Variants in KYAT3 observed in about 807,000 individuals in gnomAD.
KYAT3 encodes kynurenine--oxoglutarate transaminase 3.
Under a neutral mutation model 59.0 loss-of-function variants are expected in KYAT3, and 50 were observed. The observed-to-expected ratio is 0.85, with a 90% confidence interval of 0.68 to 1.07. The LOEUF (loss-of-function observed/expected upper bound fraction) is 1.07. KYAT3 is among the 50% of genes least tolerant of loss of function. The pLI is 0.00. For missense variants in KYAT3, 497 were observed against 533.3 expected, an observed-to-expected ratio of 0.93 and a Z score of 0.67; for synonymous variants, 148 against 177.0, an observed-to-expected ratio of 0.84 and a Z score of 1.30.
chr1:88,941,790 C>T (rs1214283674), intron 13 of KYAT3, among the ~76,000 whole-genome samples: 3 of 152,172 alleles, frequency 2.0e-5, no homozygotes, highest in Admixed American at 6.5e-5. Context: ...GCAATCCTCC[C>T]GCCTTGGTCT....
intron 3 of KYAT3, 63 bp downstream of exon 3, chr1:88,969,346 T>C: frequency 1.0e-6 from 1 of 996,144 alleles, no homozygotes; most frequent in Admixed American, 1.9e-5. Flanking sequence ...AAAACTCCCA[T>C]CTAAAGATAC....
At position 88,942,992 on chromosome 1, in the gene KYAT3, G is replaced by C; in HGVS notation, c.1302+13C>G. ...ATACTATATATGTGTTTTCAATAGA[G>C]CAGGGAACTTACTTTAATGAAGCAA... On this transcript the variant is annotated intron_variant, in intron 13 of 13. Coordinates refer to ENST00000260508, the MANE Select transcript of KYAT3 (RefSeq NM_001008661.3). 1 of 1,563,970 alleles carries C rather than the reference G, an allele frequency of 6.4e-7. No individual in the cohort carries two copies. The highest frequency in any genetic ancestry group is 8.8e-7 in the Non-Finnish European group (1 of 1,134,956).
intron 2 of KYAT3, among the ~76,000 whole-genome samples, chr1:88,973,758 T>A (rs909598167): frequency 6.6e-6 from 1 of 152,202 alleles, no homozygotes; most frequent in Non-Finnish European, 1.5e-5. Flanking sequence ...AGGAAAAGAT[T>A]AAGTCTTTAA....
At chr1:88,944,313 G>GTATTTAATTTAATT (rs1675352918) in intron 11 of KYAT3, among the ~76,000 whole-genome samples, 1 of 152,092 alleles carries the variant, frequency 6.6e-6, no homozygotes, top group Non-Finnish European at 1.5e-5. Flanking sequence ...AAATACTAGT[G>GTATTTAATTTAATT]GTTCTTTTCA....
chr1:88,955,279 G>A (rs1285449620), intron 8 of KYAT3, 54 bp from the exon 9 acceptor site: 12 of 1,030,330 alleles, frequency 1.2e-5, no homozygotes, highest in Non-Finnish European at 1.5e-6. Flanking sequence ...ATCACATTTA[G>A]TATAATCTAA....
chr1:88,931,520 T>C (rs1008695562), downstream of KYAT3, among the ~76,000 whole-genome samples: 7 of 152,068 alleles, frequency 4.6e-5, no homozygotes, highest in Non-Finnish European at 8.8e-5. Flanking sequence ...GTTAGAGTGG[T>C]TGTTGGCCAA....
chr1:88,970,848 A>T (rs186622286), intron 2 of KYAT3, among the ~76,000 whole-genome samples: 187 of 152,328 alleles, frequency 1.2e-3, no homozygotes, highest in Admixed American at 9.8e-3. Flanking sequence ...TGGGAAGATA[A>T]CGATAATGGT....
chr1:88,956,754 T>C (rs1379709942), intron 8 of KYAT3, among the ~76,000 whole-genome samples: 1 of 152,220 alleles, frequency 6.6e-6, no homozygotes, highest in Admixed American at 6.5e-5. Flanking sequence ...AACAAAGGTC[T>C]AGAGGTCTAA....
At chr1:88,992,763 A>C (rs1341569532), upstream of KYAT3, 1 of 120,154 alleles carries the variant, frequency 8.3e-6, no homozygotes, top group South Asian at 3.0e-4. Context: ...AAGAGACTGG[A>C]TGAGGGGTGT....
the KYAT3 span, among the ~76,000 whole-genome samples, chr1:88,930,507 C>T: frequency 6.6e-6 from 1 of 152,154 alleles, no homozygotes; most frequent in Non-Finnish European, 1.5e-5. Flanking sequence ...AACTTGTATA[C>T]TGATGGAAGT....
At position 88,975,442 on chromosome 1, in the gene KYAT3, C is replaced by T. The variant is rs112158134; in HGVS notation, c.100-5975G>A. On this transcript the variant is annotated intron_variant, in intron 2 of 13. Transcript: ENST00000260508. ...CTGGGATTACAGGCATGAGCCACAG[C>T]GCCCAGCCCCACATTTCAGTGTTTC... Among the ~76,000 whole-genome samples the T allele has an allele frequency of 4.4e-3, 669 of 152,256 alleles. 3 individuals carry two copies. The highest frequency in any genetic ancestry group is 0.015 in the African/African-American group (631 of 41,558).
chr1:88,953,746 C>G (rs1371457868), intron 9 of KYAT3, among the ~76,000 whole-genome samples: 1 of 152,062 alleles, frequency 6.6e-6, no homozygotes, highest in African/African-American at 2.4e-5. Context: ...TTTGCTACTT[C>G]TGATATTCTG....
At chr1:88,989,302 G>A (rs1570857922) in intron 1 of KYAT3, among the ~76,000 whole-genome samples, 1 of 152,042 alleles carries the variant, frequency 6.6e-6, no homozygotes, top group East Asian at 1.9e-4. Flanking sequence ...ATGACCAAGG[G>A]GGGTTGGGTT....
intron 10 of KYAT3, among the ~76,000 whole-genome samples, chr1:88,950,461 T>C (rs1675622944): frequency 6.6e-6 from 1 of 151,468 alleles, no homozygotes; most frequent in South Asian, 2.1e-4. Flanking sequence ...AGAATAAGAG[T>C]GTTCAGAAAA....
chr1:88,925,543 T>A, the KYAT3 span, among the ~76,000 whole-genome samples: 2 of 152,112 alleles, frequency 1.3e-5, no homozygotes, highest in Non-Finnish European at 2.9e-5. Flanking sequence ...CCCTCCTGAT[T>A]TAGGTATACA....
chr1:88,940,677 G>T (rs531366327), intron 13 of KYAT3, among the ~76,000 whole-genome samples: 1 of 152,258 alleles, frequency 6.6e-6, no homozygotes, highest in African/African-American at 2.4e-5. Flanking sequence ...CATCTCTTCC[G>T]CATTGCTTCA....
At chr1:88,935,291 C>A (rs564330587), downstream of KYAT3, among the ~76,000 whole-genome samples, 15 of 151,298 alleles carry the variant, frequency 9.9e-5, no homozygotes, top group African/African-American at 3.6e-4. Context: ...GCATGAGCCA[C>A]TGCACCTGGC....
intron 13 of KYAT3, 25 bp downstream of exon 13, chr1:88,942,980 G>C: frequency 6.7e-7 from 1 of 1,491,292 alleles, no homozygotes; most frequent in Non-Finnish European, 9.3e-7. Context: ...CTATATATGT[G>C]TTTTCAATAG....
At chr1:88,959,395 G>C (rs895649425) in intron 8 of KYAT3, among the ~76,000 whole-genome samples, 2 of 151,748 alleles carry the variant, frequency 1.3e-5, no homozygotes, top group Non-Finnish European at 2.9e-5. Flanking sequence ...TGGCCAACAC[G>C]GTGAAACCCC....
Sources: gnomAD v4.1 joint callset for allele counts (sites outside exome capture counted in the v4.1 genomes callset) on GRCh38, gnomAD v4.1.1 for gene constraint, MANE v1.5 for transcripts, NCBI Gene and HGNC (gene_info 2026-07-23, HGNC 2026-07-21) for gene names.